IGSF10: variants seen among roughly 807,000 people sequenced by gnomAD.
IGSF10 encodes immunoglobulin superfamily member 10, also known as calvaria mechanical force protein 608.
Under a neutral mutation model 128.2 loss-of-function variants are expected in IGSF10, and 126 were observed. That is an observed-to-expected ratio of 0.98 (90% CI 0.85 to 1.14). IGSF10 has a LOEUF of 1.14. IGSF10 is among the 50% of genes most tolerant of loss of function. The pLI is 0.00. For synonymous variants in IGSF10, 1,185 were observed against 1,146.2 expected, an observed-to-expected ratio of 1.03 and a Z score of -0.68; for missense variants, 3,295 against 3,149.8, an observed-to-expected ratio of 1.05 and a Z score of -1.10.
At chr3:151,543,274 CA>C in the IGSF10 span, among the ~76,000 whole-genome samples, 78,538 of 151,842 alleles carry the variant, frequency 0.52, 21,159 homozygotes, top group African/African-American at 0.66. Flanking sequence ...AAAGATCACT[CA>C]GGGGGCCATA....
the IGSF10 span, among the ~76,000 whole-genome samples, chr3:151,597,916 TAA>T: frequency 0.29 from 42,515 of 144,354 alleles, 6,271 homozygotes; most frequent in African/African-American, 0.36. Context: ...AGACTCTGTC[TAA>T]AAAAAAAAAA....
At chr3:151,469,411 G>C in the IGSF10 span, among the ~76,000 whole-genome samples, 1 of 152,096 alleles carries the variant, frequency 6.6e-6, no homozygotes, top group Non-Finnish European at 1.5e-5. Flanking sequence ...ATTAACATTG[G>C]GGCCCTTTTC....
the IGSF10 span, among the ~76,000 whole-genome samples, chr3:151,542,678 G>C: frequency 2.0e-5 from 3 of 152,250 alleles, no homozygotes; most frequent in African/African-American, 7.2e-5. Flanking sequence ...AATGTTTATA[G>C]TAAGAATTTA....
At chr3:151,572,044 C>A in the IGSF10 span, among the ~76,000 whole-genome samples, 1 of 152,158 alleles carries the variant, frequency 6.6e-6, no homozygotes, top group Non-Finnish European at 1.5e-5. Context: ...GTATGTTGCA[C>A]CAGCCTTGCA....
At chr3:151,562,685 A>G in the IGSF10 span, among the ~76,000 whole-genome samples, 1 of 152,140 alleles carries the variant, frequency 6.6e-6, no homozygotes, top group Non-Finnish European at 1.5e-5. Flanking sequence ...ACCAATGTCC[A>G]GACTAGAGCC....
chr3:151,510,785 G>A, the IGSF10 span, among the ~76,000 whole-genome samples: 10 of 152,294 alleles, frequency 6.6e-5, no homozygotes, highest in Non-Finnish European at 1.0e-4. Context: ...TGATGGAGCT[G>A]AAAACCACGG....
chr3:151,523,260 C>T, the IGSF10 span, among the ~76,000 whole-genome samples: 161 of 152,252 alleles, frequency 1.1e-3, 2 homozygotes, highest in Middle Eastern at 0.014. Flanking sequence ...CTCATAGGTT[C>T]AATGCTATTC....
chr3:151,511,114 C>T, the IGSF10 span, among the ~76,000 whole-genome samples: 49,303 of 151,662 alleles, frequency 0.33, 8,740 homozygotes, highest in Middle Eastern at 0.45. Flanking sequence ...ATACAGAGAA[C>T]GCCACAAAGA....
In IGSF10 at chr3:151,448,122, C is replaced by G; in HGVS notation, c.1859G>C (p.Arg620Thr). ...GCCATTGTTTAGAACTTTCTTGTCT[C>G]TTGATGACTGATAGAGCACATTGTT... ...PGNNVLYQSSRDKKVLNNGTL... is the reference protein window; with the variant it reads ...PGNNVLYQSSTDKKVLNNGTL... The change falls in exon 6 of 8, where the codon AGA (arginine) becomes ACA (threonine). Residue 620 changes from arginine (R) to threonine (T), a missense_variant. Arg to Thr is a moderately conservative substitution (Grantham distance 71). Transcript: ENST00000282466. 1 of 1,614,120 alleles carries G rather than the reference C, an allele frequency of 6.2e-7. No individual in the cohort carries two copies. Among genetic ancestry groups the G allele is most frequent in the Non-Finnish European group, 8.5e-7 (1 of 1,179,992 alleles).
At chr3:151,489,424 G>A in the IGSF10 span, among the ~76,000 whole-genome samples, 1 of 152,210 alleles carries the variant, frequency 6.6e-6, no homozygotes, top group Admixed American at 6.5e-5. Context: ...TGATTCCTCA[G>A]GGATCTAGAA....
the IGSF10 span, among the ~76,000 whole-genome samples, chr3:151,580,637 C>A: frequency 6.6e-6 from 1 of 152,072 alleles, no homozygotes; most frequent in African/African-American, 2.4e-5. Flanking sequence ...AACCATCTGA[C>A]AAACTAACTA....
rs1234967204 is a variant in IGSF10 at position 151,447,267 on chromosome 3, T to A, written c.2714A>T (p.Asp905Val). Residue 905 changes from aspartate to valine, a missense_variant, in exon 6 of 8, where the codon GAC (aspartate) becomes GTC (valine). By Grantham distance (152) the Asp-to-Val change is radical. Transcript: ENST00000282466. ...PLLLGATEFQDSDQMGRGREH... is the reference protein window; with the variant it reads ...PLLLGATEFQVSDQMGRGREH... ...TCTTCCTCTTCCCATCTGGTCAGAG[T>A]CCTGAAATTCAGTTGCTCCAAGTAG... 6.2e-7 allele frequency: 1 copy of A among 1,614,196 alleles called. No individual in the cohort carries two copies. Among genetic ancestry groups the A allele is most frequent in the South Asian group, 1.1e-5 (1 of 91,084 alleles).
chr3:151,531,196 T>C, the IGSF10 span, among the ~76,000 whole-genome samples: 5 of 152,162 alleles, frequency 3.3e-5, no homozygotes, highest in Non-Finnish European at 5.9e-5. Context: ...AAGCAAGTTC[T>C]GAGAGACCTA....
the IGSF10 span, among the ~76,000 whole-genome samples, chr3:151,480,644 C>T: frequency 7.7e-4 from 117 of 152,078 alleles, no homozygotes; most frequent in African/African-American, 2.8e-3. Context: ...GCCACTGCAC[C>T]ATGCCCACCC....
the IGSF10 span, among the ~76,000 whole-genome samples, chr3:151,487,094 G>A: frequency 1.3e-5 from 2 of 151,440 alleles, no homozygotes; most frequent in African/African-American, 4.9e-5. Flanking sequence ...CCAGACTAAT[G>A]AAGAAGAAAG....
rs1470877619 is a variant in IGSF10 at position 151,437,356 on chromosome 3, G to GTTGT, written c.7201_7204dup (p.Thr2402AsnfsTer14). On this transcript the variant is annotated frameshift_variant, in exon 8 of 8. Transcript: ENST00000282466. LOFTEE classifies it low-confidence loss of function (END_TRUNC). ...GCGATATTTTCCTGCATCCTCCCGA[G>GTTGT]TTGTTTTAGAAATGATAAAAGAACC... 13 of 1,614,164 alleles carry GTTGT rather than the reference G, an allele frequency of 8.1e-6. No individual in the cohort carries two copies. The highest frequency in any genetic ancestry group is 9.3e-6 in the Non-Finnish European group (11 of 1,180,030).
the IGSF10 span, among the ~76,000 whole-genome samples, chr3:151,602,752 T>C: frequency 6.6e-6 from 1 of 152,112 alleles, no homozygotes; most frequent in Non-Finnish European, 1.5e-5. Context: ...CCATCTTTGC[T>C]CTTTTAAGTG....
chr3:151,442,482 C>T (rs1034328364), intron 7 of IGSF10, among the ~76,000 whole-genome samples: 68 of 149,202 alleles, frequency 4.6e-4, no homozygotes, highest in African/African-American at 1.6e-3. Flanking sequence ...CAGGTTCAAG[C>T]AATTCTCCTG....
chr3:151,569,232 C>T, the IGSF10 span, among the ~76,000 whole-genome samples: 161 of 152,266 alleles, frequency 1.1e-3, no homozygotes, highest in African/African-American at 3.1e-3. Context: ...CTACCACATC[C>T]GGCAAAGTTT....
Sources: gnomAD v4.1 joint callset for allele counts (sites outside exome capture counted in the v4.1 genomes callset) on GRCh38, gnomAD v4.1.1 for gene constraint, MANE v1.5 for transcripts, NCBI Gene and HGNC (gene_info 2026-07-23, HGNC 2026-07-21) for gene names.